The following PTPRD variants were observed in gnomAD, a reference collection of about 807,000 sequenced individuals.
The protein encoded by PTPRD is protein tyrosine phosphatase receptor type D.
Under a neutral mutation model 214.5 loss-of-function variants are expected in PTPRD, and 34 were observed. That is an observed-to-expected ratio of 0.16 (90% CI 0.12 to 0.21). The LOEUF (loss-of-function observed/expected upper bound fraction) is 0.21, where lower values mean the gene tolerates loss of function less well. Among genes scored for constraint, PTPRD ranks in the 10% least tolerant of loss-of-function variants. PTPRD has a pLI of 1.00. For missense variants in PTPRD, 2,545 were observed against 2,398.7 expected (o/e 1.06, Z -1.27); for synonymous variants, 1,128 against 845.7 (o/e 1.33, Z -5.79).
At chr9:10,377,548 T>C (rs918103105) in intron 2 of PTPRD, among the ~76,000 whole-genome samples, 1 of 152,036 alleles carries the variant, frequency 6.6e-6, no homozygotes, top group East Asian at 1.9e-4. Flanking sequence ...ATGTTTGTTT[T>C]TTTTGTCCTT....
intron 11 of PTPRD, among the ~76,000 whole-genome samples, chr9:8,892,566 T>C (rs2098549065): frequency 6.7e-6 from 1 of 150,260 alleles, no homozygotes; most frequent in African/African-American, 2.4e-5. Context: ...TGTATATATG[T>C]GTGTATATAT....
chr9:9,318,507 C>T (rs1196022099), intron 9 of PTPRD, among the ~76,000 whole-genome samples: 1 of 152,052 alleles, frequency 6.6e-6, no homozygotes, highest in Non-Finnish European at 1.5e-5. Flanking sequence ...TGCAAAGAAA[C>T]CAAAGTATTA....
rs142694641 is a variant in PTPRD at position 9,007,597 on chromosome 9, C to G, written c.-104+11100G>C. Among the ~76,000 whole-genome samples, 17 of 151,940 alleles carry G rather than the reference C, an allele frequency of 1.1e-4. No homozygotes were observed. The East Asian group carries it at 3.3e-3, about 30-fold the overall frequency. ...CTAAAACTTTCCATCAATTCCATTC[C>G]TTTCTCAGAGACCATCATGCCTTTA... On this transcript the variant is annotated intron_variant, in intron 11 of 45. Coordinates refer to ENST00000381196, the MANE Select transcript of PTPRD (RefSeq NM_002839.4).
chr9:10,445,895 TGTTGAATAAGTG>T (rs1432423643), intron 2 of PTPRD, among the ~76,000 whole-genome samples: 5 of 152,054 alleles, frequency 3.3e-5, no homozygotes, highest in Non-Finnish European at 7.4e-5. Flanking sequence ...AGAAAAGATA[TGTTGAATAAGTG>T]GTAGGAGTTT....
At chr9:9,725,347 A>G (rs1350176824) in intron 7 of PTPRD, among the ~76,000 whole-genome samples, 5 of 150,624 alleles carry the variant, frequency 3.3e-5, no homozygotes, top group Admixed American at 3.3e-4. Context: ...CATCCATGTA[A>G]AAGACATAAC....
At chr9:8,709,214 C>T (rs2098273948) in intron 12 of PTPRD, among the ~76,000 whole-genome samples, 1 of 152,032 alleles carries the variant, frequency 6.6e-6, no homozygotes, top group African/African-American at 2.4e-5. Flanking sequence ...ATACTGCATT[C>T]TTCAAAAATG....
At chr9:9,575,608 T>TACTCAG (rs1466125501) in intron 7 of PTPRD, among the ~76,000 whole-genome samples, 1 of 149,450 alleles carries the variant, frequency 6.7e-6, no homozygotes, top group African/African-American at 2.5e-5. Flanking sequence ...TAGTCCCAGC[T>TACTCAG]ACTCAGGAGG....
At chr9:9,395,875 C>A (rs181718819) in intron 9 of PTPRD, among the ~76,000 whole-genome samples, 1 of 152,094 alleles carries the variant, frequency 6.6e-6, no homozygotes, top group African/African-American at 2.4e-5. Context: ...TATCTACCCC[C>A]ACAACCATTG....
chr9:10,145,316 G>A (rs1356529110), intron 3 of PTPRD, among the ~76,000 whole-genome samples: 2 of 151,984 alleles, frequency 1.3e-5, no homozygotes, highest in Non-Finnish European at 2.9e-5. Flanking sequence ...TAAACTGAAT[G>A]GGTCCATCTT....
chr9:9,565,548 G>T (rs2084255031), intron 8 of PTPRD, among the ~76,000 whole-genome samples: 1 of 151,640 alleles, frequency 6.6e-6, no homozygotes, highest in South Asian at 2.1e-4. Flanking sequence ...TATTTATATT[G>T]CAAGACTTTA....
intron 11 of PTPRD, among the ~76,000 whole-genome samples, chr9:8,755,233 CA>C (rs201333942): frequency 0.013 from 1,670 of 131,304 alleles, 32 homozygotes; most frequent in African/African-American, 0.053. Context: ...AAAAAAAAAA[CA>C]AAAAAAACAA....
rs5896266 is a variant in PTPRD at position 8,851,201 on chromosome 9, GA to G, written c.-103-117256del. On this transcript the variant is annotated intron_variant, in intron 11 of 45. Transcript: ENST00000381196. ...CTTTCTAAGATGCACTACCATTAAA[GA>G]AAAAAAAAAAAAGGCACTTATTCTG... is the stretch of plus-strand genomic sequence containing the variant. Among the ~76,000 whole-genome samples the G allele has an allele frequency of 1.9e-3, 275 of 141,892 alleles. 4 individuals carry two copies. In the Middle Eastern group the frequency reaches 0.022, roughly 12 times the overall value. 93.1% of individuals were successfully genotyped at this position (141,892 alleles called of 152,430 possible). A position where few individuals can be genotyped will look rare whatever the true frequency, so the allele number is the denominator to read the frequency against.
intron 2 of PTPRD, among the ~76,000 whole-genome samples, chr9:10,364,515 ACTGCTGTACTCCAGG>A (rs1243613312): frequency 6.6e-6 from 1 of 152,138 alleles, no homozygotes; most frequent in African/African-American, 2.4e-5. Context: ...TGTACTCCTA[ACTGCTGTACTCCAGG>A]CTGCTTCTCT....
At chr9:10,546,556 G>A (rs2060215186) in intron 2 of PTPRD, among the ~76,000 whole-genome samples, 1 of 151,882 alleles carries the variant, frequency 6.6e-6, no homozygotes, top group African/African-American at 2.4e-5. Flanking sequence ...AGTTAAAAGT[G>A]AGGAAAGAAC....
intron 14 of PTPRD, among the ~76,000 whole-genome samples, chr9:8,581,023 C>T (rs527980838): frequency 6.6e-6 from 1 of 152,082 alleles, no homozygotes; most frequent in South Asian, 2.1e-4. Flanking sequence ...TCATATTTAT[C>T]GTGACAAACA....
chr9:10,330,809 A>G (rs756005649), intron 3 of PTPRD, among the ~76,000 whole-genome samples: 2 of 151,702 alleles, frequency 1.3e-5, no homozygotes, highest in Non-Finnish European at 2.9e-5. Flanking sequence ...AAGCCATGTA[A>G]CCCCTTAAGC....
intron 3 of PTPRD, among the ~76,000 whole-genome samples, chr9:10,099,817 A>G (rs2154211976): frequency 6.6e-6 from 1 of 151,826 alleles, no homozygotes; most frequent in South Asian, 2.1e-4. Flanking sequence ...AAGATTGGGT[A>G]AGATTAGAAA....
chr9:9,778,259 G>A lies in PTPRD; in HGVS notation c.-367-11408C>T, dbSNP rs548944896. 2.3e-3 allele frequency among the ~76,000 whole-genome samples: 344 copies of A among 152,272 alleles called. 1 individual carries two copies. The highest frequency in any genetic ancestry group is 7.8e-3 in the African/African-American group (325 of 41,568). On this transcript the variant is annotated intron_variant, in intron 5 of 45. Transcript: ENST00000381196. ...TCCCAGCCCCGAATGGCTCCTGGGA[G>A]AGGGGTGAGTGCAGGAACTAAGGGA...
intron 9 of PTPRD, among the ~76,000 whole-genome samples, chr9:9,354,542 C>G (rs2052913787): frequency 6.6e-6 from 1 of 151,676 alleles, no homozygotes; most frequent in Non-Finnish European, 1.5e-5. Context: ...GTGGTAGGCT[C>G]TCTCCTAGCT....
Sources: gnomAD v4.1 joint callset for allele counts (sites outside exome capture counted in the v4.1 genomes callset) on GRCh38, gnomAD v4.1.1 for gene constraint, MANE v1.5 for transcripts, NCBI Gene and HGNC (gene_info 2026-07-23, HGNC 2026-07-21) for gene names.